Variants in ADGRV1 observed in about 807,000 individuals in gnomAD.
ADGRV1 encodes G-protein coupled receptor 98.
ADGRV1 carries 359 observed loss-of-function variants against 596.2 expected under a neutral mutation model. That is an observed-to-expected ratio of 0.60 (90% CI 0.55 to 0.66). The LOEUF is 0.66. Among genes scored for constraint, ADGRV1 ranks in the 30% least tolerant of loss-of-function variants. The pLI is 0.00. For synonymous variants in ADGRV1, 2,681 were observed against 2,679.2 expected (o/e 1.00, Z -0.02); for missense variants, 7,274 against 7,575.6 (o/e 0.96, Z 1.48).
chr5:90,654,149 G>T (rs1298008253), intron 20 of ADGRV1, 197 bp downstream of exon 20: 1 of 633,000 alleles, frequency 1.6e-6, no homozygotes, highest in East Asian at 2.9e-5. Flanking sequence ...ATGAATCAGA[G>T]AATTTTGCCC....
At chr5:91,029,367 T>C (rs1464372349) in intron 85 of ADGRV1, among the ~76,000 whole-genome samples, 1 of 152,242 alleles carries the variant, frequency 6.6e-6, no homozygotes. Context: ...TGATACAATT[T>C]ATTTCTCTAT....
chr5:90,579,463 C>T (rs549107013), intron 1 of ADGRV1, among the ~76,000 whole-genome samples: 242 of 152,316 alleles, frequency 1.6e-3, no homozygotes, highest in African/African-American at 5.5e-3. Context: ...GCACTGTGGT[C>T]TGAGAGACAG....
rs113076603 is a variant in ADGRV1 at position 90,586,507 on chromosome 5, C to T, written c.22+27590C>T. Among the ~76,000 whole-genome samples the T allele has an allele frequency of 5.8e-4, 89 of 152,304 alleles. No individual in the cohort carries two copies. In the Middle Eastern group the frequency reaches 0.024, roughly 41 times the overall value. On this transcript the variant is annotated intron_variant, in intron 1 of 89. Transcript: ENST00000405460. ...TTGTTGAAGAAATGTGGCAATTTGT[C>T]CCATAGAATGTCCATGTTCTGAATT... is the stretch of plus-strand genomic sequence containing the variant.
intron 57 of ADGRV1, among the ~76,000 whole-genome samples, chr5:90,757,404 G>A (rs1755953971): frequency 6.6e-6 from 1 of 152,098 alleles, no homozygotes; most frequent in Non-Finnish European, 1.5e-5. Flanking sequence ...AAAATAAATA[G>A]AAGTTACAAA....
Position 90,716,583 on chromosome 5 carries a change from T to C in ADGRV1, c.9301T>C (p.Leu3101=). The C allele has an allele frequency of 3.1e-6, 5 of 1,613,900 alleles. No homozygotes were observed. Among genetic ancestry groups the C allele is most frequent in the Non-Finnish European group, 3.4e-6 (4 of 1,179,816 alleles). Residue 3101 remains leucine, a synonymous_variant, in exon 43 of 90, where the codon TTG becomes CTG. Transcript: ENST00000405460. ...CTACGTCCAGGAGAGTGTTGCAGTA[T>C]TGTACATTGTTCGGGAACCTGCACA... ...ALYVQESVAV[L]YIVREPAQGL...
At chr5:90,951,835 A>C (rs2150909647) in intron 83 of ADGRV1, among the ~76,000 whole-genome samples, 1 of 152,278 alleles carries the variant, frequency 6.6e-6, no homozygotes, top group East Asian at 1.9e-4. Context: ...TAAAATCTGA[A>C]CTTTGATTCA....
intron 1 of ADGRV1, among the ~76,000 whole-genome samples, chr5:90,605,871 G>A (rs1762055776): frequency 6.6e-6 from 1 of 152,086 alleles, no homozygotes; most frequent in African/African-American, 2.4e-5. Context: ...TGTAACTTAT[G>A]GATTATATGT....
intron 83 of ADGRV1, among the ~76,000 whole-genome samples, chr5:90,904,871 C>A (rs1385659150): frequency 6.6e-6 from 1 of 151,108 alleles, no homozygotes; most frequent in South Asian, 2.1e-4. Flanking sequence ...AGTTTGAGGT[C>A]TTAGGTTTAA....
chr5:90,899,336 C>G (rs1388691963), intron 83 of ADGRV1: 6 of 152,200 alleles, frequency 3.9e-5, no homozygotes, highest in African/African-American at 1.4e-4. Context: ...TGGTCCCAGA[C>G]TTTCAGGGTG....
chr5:91,086,907 A>G (rs1005474808), intron 86 of ADGRV1, among the ~76,000 whole-genome samples: 8 of 152,188 alleles, frequency 5.3e-5, no homozygotes, highest in Admixed American at 3.3e-4. Flanking sequence ...GTAATTATGT[A>G]TTGTTTAACC....
intron 85 of ADGRV1, chr5:91,031,058 C>T (rs887158497): frequency 6.0e-6 from 9 of 1,505,456 alleles, no homozygotes; most frequent in South Asian, 1.3e-5. Flanking sequence ...TTGCAAATAA[C>T]TGCCAATCAT....
At chr5:90,696,883 C>A in intron 33 of ADGRV1, 54 bp from the exon 34 acceptor site, 1 of 1,318,258 alleles carries the variant, frequency 7.6e-7, no homozygotes, top group Non-Finnish European at 1.1e-6. Context: ...TTTCTGAGTT[C>A]TCTGTGTTGG....
chr5:90,630,848 G>A (rs1396950762), intron 9 of ADGRV1, among the ~76,000 whole-genome samples: 1 of 152,096 alleles, frequency 6.6e-6, no homozygotes, highest in African/African-American at 2.4e-5. Flanking sequence ...GTCTTCCTGT[G>A]TGTGTTGAAT....
intron 87 of ADGRV1, among the ~76,000 whole-genome samples, chr5:91,135,327 T>C (rs1204304335): frequency 1.3e-5 from 2 of 152,184 alleles, no homozygotes; most frequent in Admixed American, 1.3e-4. Context: ...CACGCATACA[T>C]ACATACACAC....
intron 85 of ADGRV1, among the ~76,000 whole-genome samples, chr5:90,996,178 C>G (rs1021823134): frequency 5.9e-5 from 9 of 152,174 alleles, no homozygotes; most frequent in African/African-American, 2.2e-4. Flanking sequence ...GAAAATGCCT[C>G]CTAGGCATTT....
chr5:90,778,808 C>A, intron 63 of ADGRV1, 57 bp from the exon 64 acceptor site: 4 of 1,381,988 alleles, frequency 2.9e-6, no homozygotes, highest in Admixed American at 1.9e-5. Context: ...TAGTTACAGA[C>A]AGTATTGTCT....
At chr5:90,604,153 A>T (rs1419329990) in intron 1 of ADGRV1, among the ~76,000 whole-genome samples, 1 of 151,956 alleles carries the variant, frequency 6.6e-6, no homozygotes, top group Non-Finnish European at 1.5e-5. Context: ...TAATCTAGAC[A>T]TCCATTTTTT....
At chr5:90,908,317 C>T (rs1440514282) in intron 83 of ADGRV1, among the ~76,000 whole-genome samples, 1 of 151,976 alleles carries the variant, frequency 6.6e-6, no homozygotes, top group African/African-American at 2.4e-5. Flanking sequence ...GCATAATAAT[C>T]ACATCGGGGT....
intron 83 of ADGRV1, among the ~76,000 whole-genome samples, chr5:90,959,996 G>A (rs1440775686): frequency 1.3e-5 from 2 of 151,968 alleles, no homozygotes; most frequent in Non-Finnish European, 2.9e-5. Context: ...AAAATTAGCT[G>A]GGCATGGTGG....
Sources: allele counts gnomAD v4.1 joint callset (sites outside exome capture counted in the v4.1 genomes callset), GRCh38; gene constraint gnomAD v4.1.1; transcripts MANE v1.5; gene names NCBI Gene and HGNC (gene_info 2026-07-23, HGNC 2026-07-21).